The following DPYSL5 variants were observed in gnomAD, a reference collection of about 807,000 sequenced individuals.
DPYSL5 encodes dihydropyrimidinase like 5.
In DPYSL5, 9 loss-of-function variants were observed where a neutral mutation model predicts 58.4. The observed-to-expected ratio is 0.15, with a 90% CI of 0.09 to 0.27. DPYSL5 has a LOEUF of 0.27. Ranked by LOEUF, DPYSL5 falls within the 10% of genes least tolerant of loss-of-function variation. The probability of loss-of-function intolerance (pLI) is 1.00; values close to 1 mark genes in which losing one functional copy is unlikely to be tolerated. For missense variants in DPYSL5, 499 were observed against 770.6 expected (o/e 0.65, Z 4.17); for synonymous variants, 293 against 301.9 (o/e 0.97, Z 0.31).
In DPYSL5 at chr2:26,924,965, G is replaced by A; in HGVS notation, c.340G>A (p.Glu114Lys). ...GGAGACCTCCCTTGTGGACGCTTAT[G>A]AGAAGTGCCGAGGTCTGGCCGACCC... is the stretch of plus-strand genomic sequence containing the variant. The part of the protein sequence containing the change: ...DKETSLVDAY[E>K]KCRGLADPKV... Residue 114 changes from glutamate to lysine, a missense_variant, in exon 3 of 13, where the codon GAG becomes AAG. This residue lies in a region of DPYSL5 where 404 missense variants were observed against 647.6 expected (regional missense o/e 0.62). Transcript: ENST00000288699. This position sits in a 1 kb window ranked among gnomAD's most constrained non-coding sequence, Gnocchi z 4.7. 2 of 1,614,182 alleles carry A rather than the reference G, an allele frequency of 1.2e-6. No individual in the cohort carries two copies. Among genetic ancestry groups the A allele is most frequent in the Non-Finnish European group, 1.7e-6 (2 of 1,180,028 alleles).
intron 12 of DPYSL5, among the ~76,000 whole-genome samples, chr2:26,946,313 A>T (rs1665482533): frequency 6.6e-6 from 1 of 151,794 alleles, no homozygotes; most frequent in Admixed American, 6.6e-5. Flanking sequence ...CTCTACCCCA[A>T]ATCTTGTCTG....
intron 5 of DPYSL5, among the ~76,000 whole-genome samples, chr2:26,928,704 T>TATATATATATATATACACACACAC: frequency 3.2e-5 from 2 of 62,994 alleles, no homozygotes; most frequent in African/African-American, 6.3e-5. Context: ...TATATATATA[T>TATATATATATATATACACACACAC]ACACACACAC....
intron 1 of DPYSL5, among the ~76,000 whole-genome samples, chr2:26,850,134 G>A (rs993901625): frequency 6.6e-6 from 1 of 152,262 alleles, no homozygotes; most frequent in African/African-American, 2.4e-5. Flanking sequence ...GCGGAGAAGC[G>A]GGTGGAAATG....
At chr2:26,922,327 C>T (rs2148156051) in intron 2 of DPYSL5, among the ~76,000 whole-genome samples, 1 of 152,308 alleles carries the variant, frequency 6.6e-6, no homozygotes, top group Admixed American at 6.5e-5. Context: ...GAGGCTGAGG[C>T]CAACTATCCC....
intron 1 of DPYSL5, among the ~76,000 whole-genome samples, chr2:26,867,170 T>C (rs1317234072): frequency 2.0e-5 from 3 of 152,164 alleles, no homozygotes; most frequent in Non-Finnish European, 4.4e-5. Context: ...TATATGTACA[T>C]AGGTAAATAT....
chr2:26,879,633 G>A (rs1663505631), intron 1 of DPYSL5, among the ~76,000 whole-genome samples: 1 of 152,148 alleles, frequency 6.6e-6, no homozygotes, highest in African/African-American at 2.4e-5. Context: ...TGATTTCCGT[G>A]TGTGACGAGC....
intron 6 of DPYSL5, among the ~76,000 whole-genome samples, chr2:26,932,209 A>AAG (rs1665047895): frequency 5.4e-5 from 1 of 18,364 alleles, no homozygotes; most frequent in Non-Finnish European, 1.3e-4. Flanking sequence ...GAAAGAAAGA[A>AAG]AAGAAAGAAA....
intron 5 of DPYSL5, among the ~76,000 whole-genome samples, chr2:26,931,014 C>T (rs1664958427): frequency 6.7e-6 from 1 of 149,468 alleles, no homozygotes; most frequent in Middle Eastern, 3.4e-3. Context: ...TAGCGCATGC[C>T]TGTAGTCCCA....
intron 5 of DPYSL5, among the ~76,000 whole-genome samples, chr2:26,930,146 C>T (rs1664934111): frequency 6.6e-6 from 1 of 152,164 alleles, no homozygotes; most frequent in Non-Finnish European, 1.5e-5. Context: ...GAATATAGGT[C>T]CTGTTTGGCA....
At chr2:26,883,546 G>A (rs1023382020) in intron 1 of DPYSL5, among the ~76,000 whole-genome samples, 12 of 152,030 alleles carry the variant, frequency 7.9e-5, no homozygotes, top group Admixed American at 2.0e-4. Flanking sequence ...TTACAGGCAC[G>A]CACCATCATG....
At chr2:26,926,502 A>G (rs538927856) in intron 3 of DPYSL5, among the ~76,000 whole-genome samples, 1 of 152,310 alleles carries the variant, frequency 6.6e-6, no homozygotes, top group South Asian at 2.1e-4. Context: ...AATCAAATAA[A>G]TGTTTCTAAT....
At chr2:26,919,790 C>T (rs1234487491) in intron 2 of DPYSL5, among the ~76,000 whole-genome samples, 1 of 152,122 alleles carries the variant, frequency 6.6e-6, no homozygotes, top group South Asian at 2.1e-4. Context: ...TGGCAGTGTC[C>T]ACCTAGAATG....
At chr2:26,878,812 A>C (rs1663479116) in intron 1 of DPYSL5, among the ~76,000 whole-genome samples, 1 of 152,158 alleles carries the variant, frequency 6.6e-6, no homozygotes, top group Non-Finnish European at 1.5e-5. Flanking sequence ...TGAGTGCACC[A>C]AGCTAGCTTG....
intron 1 of DPYSL5, among the ~76,000 whole-genome samples, chr2:26,882,717 A>C (rs543005254): frequency 2.6e-3 from 402 of 152,246 alleles, no homozygotes; most frequent in African/African-American, 9.3e-3. Flanking sequence ...CCTGGGCAAC[A>C]TGGTGAAACC....
At chr2:26,858,170 A>ATTT (rs70953831) in intron 1 of DPYSL5, among the ~76,000 whole-genome samples, 16 of 127,094 alleles carry the variant, frequency 1.3e-4, no homozygotes, top group African/African-American at 3.3e-4. Flanking sequence ...CAGACTTAAC[A>ATTT]TTTTTTTTTT....
chr2:26,944,341 A>G lies in DPYSL5; in HGVS notation c.1441-315A>G, dbSNP rs947439544. Reference sequence around the variant, plus strand: ...TGACTTCCTCAGATGTCTACCTGCTACCTCGGTGAGGCTTCCATCAGTGTT... The same window carrying G: ...TGACTTCCTCAGATGTCTACCTGCTGCCTCGGTGAGGCTTCCATCAGTGTT... On this transcript the variant is annotated intron_variant, in intron 11 of 12. Transcript: ENST00000288699. This position sits in a 1 kb window ranked among gnomAD's most constrained non-coding sequence, Gnocchi z 4.4. Among the ~76,000 whole-genome samples, 4 of 152,106 alleles carry G rather than the reference A, an allele frequency of 2.6e-5. No homozygotes were observed. The highest frequency in any genetic ancestry group is 9.7e-5 in the African/African-American group (4 of 41,412).
At chr2:26,874,438 TC>T (rs1420295141) in intron 1 of DPYSL5, among the ~76,000 whole-genome samples, 4 of 152,194 alleles carry the variant, frequency 2.6e-5, no homozygotes, top group Non-Finnish European at 5.9e-5. Flanking sequence ...CAAATGGATA[TC>T]CATTTGTTCT....
In DPYSL5 at chr2:26,947,142, G is replaced by A; in HGVS notation, c.*147G>A. 4.9e-6 allele frequency: 3 copies of A among 617,910 alleles called. No homozygotes were observed. The highest frequency in any genetic ancestry group is 2.8e-5 in the Admixed American group (1 of 36,158). The allele number at this position is 617,910 out of a possible 1,614,324, so 38.3% of individuals were successfully genotyped here. On this transcript the variant is annotated 3_prime_UTR_variant, in exon 13 of 13. Coordinates refer to ENST00000288699, the MANE Select transcript of DPYSL5 (RefSeq NM_020134.4). The surrounding 1 kb of genome is among the most constrained non-coding windows in gnomAD (Gnocchi z 4.2). ...GACCCACGGAGCCCTCCCTATGTCTGCAAAGTGATTCACTGTGCTTCGAGC... is the reference window on the plus strand; with the variant it reads ...GACCCACGGAGCCCTCCCTATGTCTACAAAGTGATTCACTGTGCTTCGAGC...
intron 1 of DPYSL5, among the ~76,000 whole-genome samples, chr2:26,857,511 G>A (rs374405577): frequency 5.1e-4 from 78 of 151,528 alleles, no homozygotes; most frequent in African/African-American, 1.7e-3. Context: ...CTGCCCTCCA[G>A]CCTGGGCGAC....
Sources: allele counts gnomAD v4.1 joint callset (sites outside exome capture counted in the v4.1 genomes callset), GRCh38; gene constraint gnomAD v4.1.1; regional missense constraint gnomAD v4.1.1; non-coding constraint Gnocchi (gnomAD v3.1); transcripts MANE v1.5; gene names NCBI Gene and HGNC (gene_info 2026-07-23, HGNC 2026-07-21).